Variants in SIX5 observed in about 807,000 individuals in gnomAD.
SIX5 encodes the protein homeobox protein SIX5.
Under a neutral mutation model 37.1 loss-of-function variants are expected in SIX5, and 21 were observed. The ratio of observed to expected loss-of-function variants is 0.57; its 90% CI spans 0.40 to 0.81. The LOEUF is 0.81. Ranked by LOEUF, SIX5 falls within the 40% of genes least tolerant of loss-of-function variation. SIX5 has a pLI of 0.00. For missense variants in SIX5, 1,137 were observed against 1,025.1 expected (o/e 1.11, Z -1.49); for synonymous variants, 626 against 505.9 (o/e 1.24, Z -3.19).
chr19:45,766,932 C>T lies in SIX5; in HGVS notation c.1027G>A (p.Val343Ile), dbSNP rs746285487. ...CCCAGGGCCAGGCCGTTGATGATGA[C>T]GGGGCCCCCGTTGAGGAGCACTGCT... The part of the protein sequence containing the change: ...SPAVLLNGGP[V>I]IINGLALGEA... Residue 343 changes from valine to isoleucine, a missense_variant, in exon 2 of 3, where the codon GTC (valine) becomes ATC (isoleucine). Physicochemically the swap from Val to Ile is conservative, Grantham distance 29. Transcript: ENST00000317578. 7 of 1,567,394 alleles carry T rather than the reference C, an allele frequency of 4.5e-6. No individual in the cohort carries two copies. Among genetic ancestry groups the T allele is most frequent in the African/African-American group, 2.7e-5 (2 of 73,776 alleles).
chr19:45,765,705 G>A lies in SIX5; in HGVS notation c.2016C>T (p.Ser672=), dbSNP rs773736359. 4.8e-5 allele frequency: 78 copies of A among 1,612,838 alleles called. No homozygotes were observed. Among genetic ancestry groups the A allele is most frequent in the South Asian group, 4.8e-4 (44 of 91,090 alleles). The change falls in exon 3 of 3, where the codon AGC becomes AGT. Residue 672 remains serine, a synonymous_variant. Coordinates refer to ENST00000317578, the MANE Select transcript of SIX5 (RefSeq NM_175875.5). ...VPVWSAGLEL[S]AGTEGLLEAE... ...CTTCCAGCAGCCCCTCTGTTCCTGC[G>A]CTTAGTTCCAGCCCTGCTGACCAGA... is the stretch of plus-strand genomic sequence containing the variant.
Position 45,768,012 on chromosome 19 carries a change from G to A in SIX5, c.803+30C>T, listed in dbSNP as rs754970248. 3.8e-6 allele frequency: 6 copies of A among 1,587,716 alleles called. No homozygotes were observed. The African/African-American group carries it at 6.7e-5, about 18-fold the overall frequency. On this transcript the variant is annotated intron_variant, in intron 1 of 2. Coordinates refer to ENST00000317578, the MANE Select transcript of SIX5 (RefSeq NM_175875.5). Reference sequence around the variant, plus strand: ...TGGTGGACGGGATGTCCCCGGGAGAGCTGGACTTGCGCCGCCCGAGGCCCC... The same window carrying A: ...TGGTGGACGGGATGTCCCCGGGAGAACTGGACTTGCGCCGCCCGAGGCCCC...
At position 45,768,182 on chromosome 19, in the gene SIX5, G is replaced by A; in HGVS notation, c.663C>T (p.Arg221=). The change falls in exon 1 of 3, where the codon CGC becomes CGT. Residue 221 remains arginine, a synonymous_variant. Transcript: ENST00000317578. The stretch of plus-strand genomic sequence containing the variant: ...CGTCCGGCGTGGGGTAGCGGTTGCC[G>A]CGGTAGCAGGCCTTGAGCGCTGCGC... ...RSRAALKACY[R]GNRYPTPDEK... The A allele has an allele frequency of 3.7e-6, 6 of 1,612,966 alleles. No individual in the cohort carries two copies. The highest frequency in any genetic ancestry group is 1.7e-4 in the Middle Eastern group (1 of 6,058).
At position 45,766,056 on chromosome 19, in the gene SIX5, G is replaced by C; in HGVS notation, c.1665C>G (p.Ala555=). 6.2e-7 allele frequency: 1 copy of C among 1,611,740 alleles called. No homozygotes were observed. The highest frequency in any genetic ancestry group is 8.5e-7 in the Non-Finnish European group (1 of 1,179,158). The part of the protein sequence containing the change: ...VSGSPIVTGV[A]LQQGKIILTA... ...TGAGGATGATCTTGCCCTGCTGCAG[G>C]GCCACACCCGTCACGATGGGGCTGC... The change falls in exon 3 of 3, where the codon GCC becomes GCG. Residue 555 remains alanine, a synonymous_variant. Transcript: ENST00000317578.
chr19:45,765,158 G>A lies in SIX5; in HGVS notation c.*343C>T. ...GAGTGACAGGGAGAGGGCTCTGGGG[G>A]CTGGAAGTCCGGCCCTGGGGCAGGG... On this transcript the variant is annotated 3_prime_UTR_variant, in exon 3 of 3. Transcript: ENST00000317578. 2.3e-6 allele frequency: 1 copy of A among 431,846 alleles called. No individual in the cohort carries two copies. Among genetic ancestry groups the A allele is most frequent in the East Asian group, 4.6e-5 (1 of 21,910 alleles). 26.8% of individuals were successfully genotyped at this position (431,846 alleles called of 1,614,324 possible). A position where few individuals can be genotyped will look rare whatever the true frequency, so the allele number is the denominator to read the frequency against.
At chr19:45,767,255 G>C in intron 1 of SIX5, 100 bp from the exon 2 acceptor site, 1 of 1,283,914 alleles carries the variant, frequency 7.8e-7, no homozygotes, top group Non-Finnish European at 1.1e-6. Flanking sequence ...CCAAGTTTCG[G>C]TGGATCATTC....
Position 45,768,823 on chromosome 19 carries a change from G to A in SIX5, c.22C>T (p.Pro8Ser), listed in dbSNP as rs1969154045. 5 of 1,531,062 alleles carry A rather than the reference G, an allele frequency of 3.3e-6. No individual in the cohort carries two copies. The African/African-American group carries it at 5.5e-5, about 17-fold the overall frequency. The allele number at this position is 1,531,062 out of a possible 1,614,324, so 94.8% of individuals were successfully genotyped here. A position where few individuals can be genotyped will look rare whatever the true frequency, so the allele number is the denominator to read the frequency against. ...CCCCCAGCCGCCGGCCCCGCGCTCG[G>A]CTCCGCAGGCAAGGTAGCCATGTTT... The part of the protein sequence containing the change: MATLPAE[P>S]SAGPAAGGEA... The change falls in exon 1 of 3, where the codon CCG becomes TCG. Residue 8 changes from proline to serine, a missense_variant. By Grantham distance (74) the Pro-to-Ser change is moderately conservative (BLOSUM62 -1). Coordinates refer to ENST00000317578, the MANE Select transcript of SIX5 (RefSeq NM_175875.5).
At position 45,765,521 on chromosome 19, in the gene SIX5, C is replaced by A; in HGVS notation, c.2200G>T (p.Glu734Ter). The stretch of plus-strand genomic sequence containing the variant: ...CTGGGTCACAGTTCCAAGGGCTCCT[C>A]CACAGGCACCGACTGGAGCTGGGTC... Reference protein sequence around the residue: ...VLTQLQSVPVEEPLEL With the variant: ...VLTQLQSVPV The change falls in exon 3 of 3, where the codon GAG becomes TAG. Residue 734 changes from glutamate to a stop codon, truncating the protein, a stop_gained. Transcript: ENST00000317578. LOFTEE classifies it high-confidence loss of function. 2 of 1,613,442 alleles carry A rather than the reference C, an allele frequency of 1.2e-6. No homozygotes were observed. The highest frequency in any genetic ancestry group is 1.7e-6 in the Non-Finnish European group (2 of 1,180,018).
rs532831403 is a variant in SIX5, at chr19:45,767,127, C to T, written c.832G>A (p.Asp278Asn). The change falls in exon 2 of 3, where the codon GAC (aspartate) becomes AAC (asparagine). Residue 278 changes from aspartate (D) to asparagine (N), a missense_variant. By Grantham distance (23) the Asp-to-Asn change is conservative. This residue lies in a region of SIX5 where 787 missense variants were observed against 621.4 expected (regional missense o/e 1.27). Coordinates refer to ENST00000317578, the MANE Select transcript of SIX5 (RefSeq NM_175875.5). ...TCCTCAGGACTTCGGCTGGACTCGT[C>T]CTCAGTCGTGGGATTCCCATCAGAC... ...SESDGNPTTEDESSRSPEDLE... is the reference protein window; with the variant it reads ...SESDGNPTTENESSRSPEDLE... 1.3e-5 allele frequency: 21 copies of T among 1,612,358 alleles called. No homozygotes were observed. In the East Asian group the frequency reaches 2.5e-4, roughly 19 times the overall value.
Position 45,767,240 on chromosome 19 carries a change from C to T in SIX5, c.804-85G>A, listed in dbSNP as rs1434725044. The T allele has an allele frequency of 7.0e-6, 10 of 1,425,784 alleles. No individual in the cohort carries two copies. In the Admixed American group the frequency reaches 9.7e-5, roughly 14 times the overall value. The allele number at this position is 1,425,784 out of a possible 1,614,324, so 88.3% of individuals were successfully genotyped here. ...CAGCCAGCTGCTCCCCCACCTTTCC[C>T]TGGCCCAAGTTTCGGTGGATCATTC... On this transcript the variant is annotated intron_variant, in intron 1 of 2. Coordinates refer to ENST00000317578, the MANE Select transcript of SIX5 (RefSeq NM_175875.5).
intron 2 of SIX5, 72 bp downstream of exon 2, chr19:45,766,278 C>A (rs1293246616): frequency 2.7e-6 from 4 of 1,501,596 alleles, no homozygotes; most frequent in Non-Finnish European, 3.6e-6. Flanking sequence ...CCAGGGACAG[C>A]CCCTCCCTCT....
Position 45,765,904 on chromosome 19 carries a change from G to A in SIX5, c.1817C>T (p.Pro606Leu), listed in dbSNP as rs1258004751. The A allele has an allele frequency of 1.3e-6, 2 of 1,590,294 alleles. No individual in the cohort carries two copies. Among genetic ancestry groups the A allele is most frequent in the Non-Finnish European group, 1.7e-6 (2 of 1,169,302 alleles). The stretch of plus-strand genomic sequence containing the variant: ...TAGGGCGTGAGCCTCTGGGAGAGCA[G>A]GGCTGGGGGCCACCGGGAGGCCTCC... ...PEGGLPVAPS[P>L]ALPEAHALGT... Residue 606 changes from proline to leucine, a missense_variant, in exon 3 of 3, where the codon CCT becomes CTT. Pro to Leu is a moderately conservative substitution (Grantham distance 98). This residue lies in a region of SIX5 where 787 missense variants were observed against 621.4 expected (regional missense o/e 1.27). Transcript: ENST00000317578.
At position 45,767,305 on chromosome 19, in the gene SIX5, A is replaced by G. The variant is rs556863700; in HGVS notation, c.804-150T>C. On this transcript the variant is annotated intron_variant, in intron 1 of 2. Coordinates refer to ENST00000317578, the MANE Select transcript of SIX5 (RefSeq NM_175875.5). ...CCTCTCTGAGACCACTCCAAACTCC[A>G]GGGCCTTTTGCAAGCCCTGCGTGGA... 75 of 798,578 alleles carry G rather than the reference A, an allele frequency of 9.4e-5. No homozygotes were observed. In the African/African-American group the frequency reaches 1.2e-3, roughly 13 times the overall value. 49.5% of individuals were successfully genotyped at this position (798,578 alleles called of 1,614,324 possible).
chr19:45,768,361 C>A lies in SIX5; in HGVS notation c.484G>T (p.Asp162Tyr). 6.3e-7 allele frequency: 1 copy of A among 1,595,700 alleles called. No individual in the cohort carries two copies. Among genetic ancestry groups the A allele is most frequent in the South Asian group, 1.1e-5 (1 of 89,580 alleles). The stretch of plus-strand genomic sequence containing the variant: ...TGGTAGCGCGCGCGCAGGTAGAGGT[C>A]CTGCAGGAAGGCGTGGTGGGCGGCG... ...FPAAHHAFLQ[D>Y]LYLRARYHEA... Residue 162 changes from aspartate (D) to tyrosine (Y), a missense_variant, in exon 1 of 3, where the codon GAC becomes TAC. Asp to Tyr is a radical substitution (Grantham distance 160). Transcript: ENST00000317578.
Position 45,766,967 on chromosome 19 carries a change from C to T in SIX5, c.992G>A (p.Ser331Asn). ...GTTGAGGAGCACTGCTGGGGAGCCG[C>T]TGGCTGCCAGGAAGCTCCCGTTCAC... ...ILVNGSFLAA[S>N]GSPAVLLNGG... Residue 331 changes from serine (S) to asparagine (N), a missense_variant, in exon 2 of 3, where the codon AGC becomes AAC. Physicochemically the swap from Ser to Asn is conservative, Grantham distance 46. Coordinates refer to ENST00000317578, the MANE Select transcript of SIX5 (RefSeq NM_175875.5). 1 of 1,593,554 alleles carries T rather than the reference C, an allele frequency of 6.3e-7. No homozygotes were observed. The highest frequency in any genetic ancestry group is 8.5e-7 in the Non-Finnish European group (1 of 1,172,170).
chr19:45,766,202 G>A (rs1020191240), intron 2 of SIX5, 91 bp from the exon 3 acceptor site: 56 of 1,521,116 alleles, frequency 3.7e-5, no homozygotes, highest in East Asian at 1.2e-4. Context: ...GAGGGCGGGC[G>A]GAGGGAGCCT....
In SIX5 at chr19:45,766,996, G is replaced by C. The variant is rs758804798; in HGVS notation, c.963C>G (p.Ile321Met). ...PPAPCPASSS[I>M]LVNGSFLAAS... ...CTGCCAGGAAGCTCCCGTTCACCAG[G>C]ATGGAGGAGGAAGCCGGGCAAGGCG... Residue 321 changes from isoleucine to methionine, a missense_variant, in exon 2 of 3, where the codon ATC becomes ATG. Physicochemically the swap from Ile to Met is conservative, Grantham distance 10 (BLOSUM62 1). This residue lies in a region of SIX5 where 787 missense variants were observed against 621.4 expected (regional missense o/e 1.27). Coordinates refer to ENST00000317578, the MANE Select transcript of SIX5 (RefSeq NM_175875.5). 2 of 1,605,544 alleles carry C rather than the reference G, an allele frequency of 1.2e-6. No individual in the cohort carries two copies. The highest frequency in any genetic ancestry group is 2.7e-5 in the African/African-American group (2 of 74,776).
chr19:45,766,789 T>C lies in SIX5; in HGVS notation c.1170A>G (p.Thr390=), dbSNP rs754729755. 2.2e-5 allele frequency: 34 copies of C among 1,575,632 alleles called. No individual in the cohort carries two copies. The highest frequency in any genetic ancestry group is 2.7e-5 in the Non-Finnish European group (31 of 1,163,922). The change falls in exon 2 of 3, where the codon ACA becomes ACG. Residue 390 remains threonine (T), a synonymous_variant. Transcript: ENST00000317578. ...TKTSLVLDPQ[T]GEVRLEEAQS... The stretch of plus-strand genomic sequence containing the variant: ...GAGCCTCCTCCAGCCGCACCTCCCC[T>C]GTCTGAGGGTCCAGGACCAGAGAGG...
Position 45,769,096 on chromosome 19 carries a change from G to A in SIX5, c.-252C>T, listed in dbSNP as rs1040708483. 2.0e-6 allele frequency: 1 copy of A among 491,356 alleles called. No individual in the cohort carries two copies. The highest frequency in any genetic ancestry group is 3.6e-6 in the Non-Finnish European group (1 of 276,328). 30.4% of individuals were successfully genotyped at this position (491,356 alleles called of 1,614,324 possible). A position where few individuals can be genotyped will look rare whatever the true frequency, so the allele number is the denominator to read the frequency against. On this transcript the variant is annotated 5_prime_UTR_variant, in exon 1 of 3. Coordinates refer to ENST00000317578, the MANE Select transcript of SIX5 (RefSeq NM_175875.5). ...TTGTTTTCCCTCCGCCTCTGGCCGC[G>A]CTTTCTGCCTCCCCCCAGCGTGTGC...
Sources: gnomAD v4.1 joint callset for allele counts on GRCh38, gnomAD v4.1.1 for gene constraint, gnomAD v4.1.1 regional missense constraint, MANE v1.5 for transcripts, NCBI Gene and HGNC (gene_info 2026-07-23, HGNC 2026-07-21) for gene names.